Variants in PTPRN2 observed in about 807,000 individuals in gnomAD.
PTPRN2 encodes receptor-type tyrosine-protein phosphatase N2.
A neutral mutation model predicts 118.8 loss-of-function variants in PTPRN2; 74 were observed. The ratio of observed to expected loss-of-function variants is 0.62; its 90% CI spans 0.52 to 0.76. The LOEUF is 0.76. PTPRN2 is among the 30% of genes least tolerant of loss of function. The pLI, the probability that PTPRN2 is intolerant of heterozygous loss-of-function variation, is 0.00. For synonymous variants in PTPRN2, 641 were observed against 608.0 expected, an observed-to-expected ratio of 1.05 and a Z score of -0.80; for missense variants, 1,481 against 1,394.4, an observed-to-expected ratio of 1.06 and a Z score of -0.99.
chr7:158,084,898 G>C (rs544794525), intron 10 of PTPRN2, among the ~76,000 whole-genome samples: 1 of 124,788 alleles, frequency 8.0e-6, no homozygotes, highest in African/African-American at 3.1e-5. Flanking sequence ...CCACATCCTC[G>C]ATGCCCATCC....
intron 11 of PTPRN2, among the ~76,000 whole-genome samples, chr7:157,921,670 A>G (rs1387937738): frequency 6.6e-6 from 1 of 152,210 alleles, no homozygotes; most frequent in African/African-American, 2.4e-5. Context: ...CTCATTATAC[A>G]TGCTCATTGG....
In PTPRN2 at chr7:157,810,635, C is replaced by T. The variant is rs372361456; in HGVS notation, c.1788+88038G>A. ...CTGGGGGCTGGGCTCTCCATGGGGA[C>T]GGGGACGGGAACGGCGGGACTGCTG... On this transcript the variant is annotated intron_variant, in intron 12 of 22. Transcript: ENST00000389418. 4.8e-3 allele frequency among the ~76,000 whole-genome samples: 417 copies of T among 87,716 alleles called. 5 individuals are homozygous for T. Among genetic ancestry groups the T allele is most frequent in the Non-Finnish European group, 6.0e-3 (279 of 46,824 alleles). 57.5% of individuals were successfully genotyped at this position (87,716 alleles called of 152,430 possible).
intron 3 of PTPRN2, among the ~76,000 whole-genome samples, chr7:158,208,938 GGTTT>G (rs1346393562): frequency 6.6e-6 from 1 of 151,986 alleles, no homozygotes. Flanking sequence ...TCTCTGTGCT[GGTTT>G]GTTAGTTTGC....
intron 12 of PTPRN2, among the ~76,000 whole-genome samples, chr7:157,745,598 G>T (rs940230537): frequency 2.0e-5 from 3 of 152,108 alleles, no homozygotes; most frequent in South Asian, 4.1e-4. Context: ...TCCCCAAAAC[G>T]TCTGGGACAC....
At chr7:158,522,374 GGAGGGAGGTCCACGTCAC>G (rs1208918246) in intron 1 of PTPRN2, among the ~76,000 whole-genome samples, 2 of 143,142 alleles carry the variant, frequency 1.4e-5, no homozygotes, top group African/African-American at 5.2e-5. Context: ...TGCTGGCTCG[GGAGGGAGGTCCACGTCAC>G]AATGGTGGAC....
At chr7:158,333,651 C>T (rs1804960689) in intron 2 of PTPRN2, among the ~76,000 whole-genome samples, 1 of 151,564 alleles carries the variant, frequency 6.6e-6, no homozygotes. Context: ...CACCCACATT[C>T]TCACCATAAG....
In PTPRN2 at chr7:158,155,584, C is replaced by CACCATCAGCACT. The variant is rs1177590809; in HGVS notation, c.910+11346_910+11347insAGTGCTGATGGT. 9.4e-5 allele frequency among the ~76,000 whole-genome samples: 13 copies of CACCATCAGCACT among 138,626 alleles called. 2 individuals carry two copies. The East Asian group carries it at 2.0e-3, about 21-fold the overall frequency. The allele number at this position is 138,626 out of a possible 152,430, so 90.9% of individuals were successfully genotyped here. A position where few individuals can be genotyped will look rare whatever the true frequency, so the allele number is the denominator to read the frequency against. On this transcript the variant is annotated intron_variant, in intron 6 of 22. Coordinates refer to ENST00000389418, the MANE Select transcript of PTPRN2 (RefSeq NM_002847.5). ...TCATCATTGCCATCATCACCATCAC[C>CACCATCAGCACT]ATCATCACCATCATCATCACCATCA... is the stretch of plus-strand genomic sequence containing the variant.
intron 10 of PTPRN2, among the ~76,000 whole-genome samples, chr7:158,110,190 C>T (rs542124552): frequency 8.5e-5 from 13 of 152,368 alleles, no homozygotes; most frequent in South Asian, 2.1e-4. Context: ...CCCAGCTGTG[C>T]GCTGTGGGAG....
chr7:157,923,215 T>C (rs989889848), intron 11 of PTPRN2, among the ~76,000 whole-genome samples: 1 of 152,230 alleles, frequency 6.6e-6, no homozygotes, highest in African/African-American at 2.4e-5. Flanking sequence ...CCCTGACCTA[T>C]AAAAATCACT....
At chr7:157,827,535 C>T (rs947302429) in intron 12 of PTPRN2, among the ~76,000 whole-genome samples, 1 of 152,204 alleles carries the variant, frequency 6.6e-6, no homozygotes, top group African/African-American at 2.4e-5. Context: ...TCCAGTGAGG[C>T]GTGACGTCCT....
intron 13 of PTPRN2, 83 bp downstream of exon 13, chr7:157,682,642 A>G (rs949893828): frequency 3.7e-6 from 5 of 1,350,312 alleles, no homozygotes; most frequent in Non-Finnish European, 5.2e-6. Context: ...CTGGGAATGG[A>G]GGAGGGGCCA....
chr7:157,717,078 GCCTGGCCACTTAGACTCTGCA>G (rs1798961794), intron 12 of PTPRN2, among the ~76,000 whole-genome samples: 3 of 151,374 alleles, frequency 2.0e-5, no homozygotes, highest in African/African-American at 7.3e-5. Flanking sequence ...CAGGAACACT[GCCTGGCCACTTAGACTCTGCA>G]GGAACACTGC....
At chr7:158,414,999 CTGA>C (rs1409792926) in intron 2 of PTPRN2, among the ~76,000 whole-genome samples, 1 of 151,626 alleles carries the variant, frequency 6.6e-6, no homozygotes, top group East Asian at 1.9e-4. Context: ...AGCTACTTTC[CTGA>C]TGATACAACC....
intron 3 of PTPRN2, among the ~76,000 whole-genome samples, chr7:158,246,771 T>A (rs1358127099): frequency 6.6e-6 from 1 of 151,580 alleles, no homozygotes; most frequent in Non-Finnish European, 1.5e-5. Context: ...AGGGGTGACG[T>A]CCCCCAGGCG....
At chr7:158,087,684 C>G (rs1187638759) in intron 10 of PTPRN2, among the ~76,000 whole-genome samples, 3 of 145,606 alleles carry the variant, frequency 2.1e-5, no homozygotes, top group African/African-American at 5.5e-5. Context: ...AGTCTTCACA[C>G]AAACCTTCTT....
chr7:158,465,195 C>T (rs1213050910), intron 2 of PTPRN2, among the ~76,000 whole-genome samples: 7 of 152,168 alleles, frequency 4.6e-5, no homozygotes, highest in Admixed American at 3.3e-4. Context: ...AGAGTTTGTG[C>T]GAAGTGACAC....
At chr7:158,080,204 G>A (rs1419989414) in intron 11 of PTPRN2, among the ~76,000 whole-genome samples, 1 of 151,058 alleles carries the variant, frequency 6.6e-6, no homozygotes, top group Non-Finnish European at 1.5e-5. Flanking sequence ...AAGTTTACAG[G>A]GTGCCAGTAC....
intron 11 of PTPRN2, among the ~76,000 whole-genome samples, chr7:157,972,737 CACGG>C: frequency 2.0e-5 from 3 of 150,738 alleles, no homozygotes; most frequent in Non-Finnish European, 3.0e-5. Flanking sequence ...CTTCAGAGAC[CACGG>C]GCACTCCACA....
intron 2 of PTPRN2, among the ~76,000 whole-genome samples, chr7:158,337,322 C>A (rs75384836): frequency 0.21 from 24,816 of 119,320 alleles, 3 homozygotes; most frequent in Non-Finnish European, 0.26. Context: ...ATCATTCACA[C>A]CCACACTGTC....
Sources: gnomAD v4.1 joint callset for allele counts (sites outside exome capture counted in the v4.1 genomes callset) on GRCh38, gnomAD v4.1.1 for gene constraint, MANE v1.5 for transcripts, NCBI Gene and HGNC (gene_info 2026-07-23, HGNC 2026-07-21) for gene names.